TDRD12: variants seen among roughly 807,000 people sequenced by gnomAD.
TDRD12 encodes tudor domain containing 12.
A neutral mutation model predicts 133.5 loss-of-function variants in TDRD12; 158 were observed. The observed-to-expected ratio is 1.18, with a 90% CI of 1.04 to 1.35. TDRD12 has a LOEUF of 1.35. Ranked by LOEUF, TDRD12 falls within the 40% of genes most tolerant of loss-of-function variation. The probability of loss-of-function intolerance (pLI) is 0.00; values close to 1 mark genes in which losing one functional copy is unlikely to be tolerated. For missense variants in TDRD12, 1,443 were observed against 1,321.3 expected (o/e 1.09, Z -1.43); for synonymous variants, 460 against 477.9 (o/e 0.96, Z 0.49).
intron 2 of TDRD12, among the ~76,000 whole-genome samples, chr19:32,737,605 C>T (rs1406933476): frequency 1.3e-5 from 2 of 152,160 alleles, no homozygotes; most frequent in Non-Finnish European, 2.9e-5. Flanking sequence ...TCATAGCCCA[C>T]TGCAGCCTCC....
chr19:32,742,164 T>TTA (rs1296443034), intron 3 of TDRD12, among the ~76,000 whole-genome samples: 1 of 151,648 alleles, frequency 6.6e-6, no homozygotes, highest in Non-Finnish European at 1.5e-5. Flanking sequence ...TTAGACTTTT[T>TTA]TTTTTTTTTG....
At chr19:32,807,267 T>TA (rs59421213) in intron 21 of TDRD12, among the ~76,000 whole-genome samples, 2,234 of 47,048 alleles carry the variant, frequency 0.047, 335 homozygotes, top group East Asian at 0.21. Flanking sequence ...ACCAAACTCT[T>TA]AAAAAAAAAA....
intron 22 of TDRD12, among the ~76,000 whole-genome samples, chr19:32,809,622 G>A (rs1966929527): frequency 6.6e-6 from 1 of 152,216 alleles, no homozygotes; most frequent in Non-Finnish European, 1.5e-5. Context: ...GCACACACAA[G>A]CTGTGGCCTC....
downstream of TDRD12, among the ~76,000 whole-genome samples, chr19:32,822,062 A>G (rs764879146): frequency 6.6e-6 from 1 of 152,182 alleles, no homozygotes; most frequent in Non-Finnish European, 1.5e-5. Flanking sequence ...CAGAGGTTGC[A>G]GTGAGCCAAG....
At chr19:32,812,686 A>C (rs747951520) in intron 24 of TDRD12, among the ~76,000 whole-genome samples, 43 of 152,364 alleles carry the variant, frequency 2.8e-4, no homozygotes, top group Non-Finnish European at 1.2e-4. Flanking sequence ...ATGACTGACC[A>C]AAAGTATTTC....
intron 8 of TDRD12, among the ~76,000 whole-genome samples, chr19:32,772,094 G>A (rs1349996606): frequency 6.6e-6 from 1 of 152,166 alleles, no homozygotes; most frequent in Non-Finnish European, 1.5e-5. Context: ...CAGGGCCTCA[G>A]ACAGGGAGAC....
chr19:32,723,293 C>T (rs1568441412), intron 1 of TDRD12, among the ~76,000 whole-genome samples: 1 of 152,118 alleles, frequency 6.6e-6, no homozygotes, highest in East Asian at 1.9e-4. Flanking sequence ...CTCTGTCCCC[C>T]AGGCTGGAGT....
In TDRD12 at chr19:32,798,441, C is replaced by G. The variant is rs1207981111; in HGVS notation, c.1758+6C>G. 2.6e-6 allele frequency: 4 copies of G among 1,530,982 alleles called. No individual in the cohort carries two copies. In the African/African-American group the frequency reaches 5.5e-5, roughly 21 times the overall value. The allele number at this position is 1,530,982 out of a possible 1,614,324, so 94.8% of individuals were successfully genotyped here. A position where few individuals can be genotyped will look rare whatever the true frequency, so the allele number is the denominator to read the frequency against. ...TCTTGGAAGCCAATGAACAGGTGAG[C>G]GTGGCTTAAGGTCCTCAGCACTCAG... On this transcript the variant is annotated splice_donor_region_variant and intron_variant, in intron 16 of 27. Transcript: ENST00000444215.
chr19:32,777,519 T>A (rs10853922), intron 11 of TDRD12, among the ~76,000 whole-genome samples: 16,231 of 152,042 alleles, frequency 0.11, 1,082 homozygotes, highest in Middle Eastern at 0.17. Flanking sequence ...ATACAGTTGA[T>A]CTTTTGGGGC....
chr19:32,796,130 G>C lies in TDRD12; in HGVS notation c.1473+1317G>C, dbSNP rs541413037. Reference sequence around the variant, plus strand: ...TGCTGCTGGTTTGTGGCTGTTAGGGGCCTGATGGGTGTGGAACCTGCATCT... The same window carrying C: ...TGCTGCTGGTTTGTGGCTGTTAGGGCCCTGATGGGTGTGGAACCTGCATCT... On this transcript the variant is annotated intron_variant, in intron 14 of 27. Transcript: ENST00000444215. The C allele has an allele frequency of 2.3e-5, 23 of 985,330 alleles. No homozygotes were observed. In the African/African-American group the frequency reaches 3.7e-4, roughly 16 times the overall value. The allele number at this position is 985,330 out of a possible 1,614,324, so 61.0% of individuals were successfully genotyped here.
At chr19:32,803,936 G>A (rs1051403710) in intron 21 of TDRD12, among the ~76,000 whole-genome samples, 5 of 151,984 alleles carry the variant, frequency 3.3e-5, no homozygotes, top group Admixed American at 2.6e-4. Flanking sequence ...TGGTTTGTCG[G>A]GGGGAGTAGC....
Position 32,769,068 on chromosome 19 carries a change from C to T in TDRD12, c.866-3685C>T, listed in dbSNP as rs138856490. Among the ~76,000 whole-genome samples the T allele has an allele frequency of 9.3e-3, 1,408 of 152,056 alleles. 25 individuals are homozygous for T. Among genetic ancestry groups the T allele is most frequent in the African/African-American group, 0.032 (1,320 of 41,488 alleles). On this transcript the variant is annotated intron_variant, in intron 8 of 27. Transcript: ENST00000444215. Reference sequence around the variant, plus strand: ...GAGTTTTTAAAATATATTCTGGAGACGTCATTTGTATTATAGATAGATTTC... The same window carrying T: ...GAGTTTTTAAAATATATTCTGGAGATGTCATTTGTATTATAGATAGATTTC...
intron 9 of TDRD12, 23 bp downstream of exon 9, chr19:32,772,873 T>C: frequency 7.5e-7 from 1 of 1,332,964 alleles, no homozygotes; most frequent in Non-Finnish European, 1.0e-6. Context: ...AAATGTTCTT[T>C]AAATACAAAG....
At chr19:32,817,199 G>C (rs896285409) in intron 26 of TDRD12, among the ~76,000 whole-genome samples, 1 of 152,170 alleles carries the variant, frequency 6.6e-6, no homozygotes, top group African/African-American at 2.4e-5. Flanking sequence ...GACATTCTCA[G>C]TGTTGTGCAA....
At position 32,787,371 on chromosome 19, in the gene TDRD12, A is replaced by G. The variant is rs181355776; in HGVS notation, c.1122-3160A>G. ...GAGATGTCTCCCAGTCAGGCTACAC[A>G]TGAGTCAGAGACCCACTTGAGGAGG... On this transcript the variant is annotated intron_variant, in intron 11 of 27. Coordinates refer to ENST00000444215, the Ensembl canonical transcript of TDRD12. Among the ~76,000 whole-genome samples, 24 of 152,292 alleles carry G rather than the reference A, an allele frequency of 1.6e-4. No homozygotes were observed. In the East Asian group the frequency reaches 4.1e-3, roughly 26 times the overall value.
chr19:32,768,613 G>A (rs1018906300), intron 8 of TDRD12, among the ~76,000 whole-genome samples: 5 of 151,860 alleles, frequency 3.3e-5, no homozygotes, highest in Non-Finnish European at 7.4e-5. Context: ...AATCTTGCCC[G>A]CCTCGGCCTT....
chr19:32,780,709 TCA>T (rs1222422955), intron 11 of TDRD12, among the ~76,000 whole-genome samples: 1 of 152,112 alleles, frequency 6.6e-6, no homozygotes, highest in Non-Finnish European at 1.5e-5. Flanking sequence ...AGCTCTGCAG[TCA>T]CACAGCACGG....
chr19:32,772,551 A>C (rs1021283869), intron 8 of TDRD12, among the ~76,000 whole-genome samples: 3 of 152,232 alleles, frequency 2.0e-5, no homozygotes, highest in African/African-American at 7.2e-5. Context: ...AGAACATTTT[A>C]ATTGTTTTTA....
intron 11 of TDRD12, among the ~76,000 whole-genome samples, chr19:32,785,876 T>G (rs1970894261): frequency 6.6e-6 from 1 of 152,192 alleles, no homozygotes; most frequent in East Asian, 1.9e-4. Flanking sequence ...GTCTTGACTC[T>G]TTATCCAATT....
Sources: gnomAD v4.1 joint callset for allele counts (sites outside exome capture counted in the v4.1 genomes callset) on GRCh38, gnomAD v4.1.1 for gene constraint, MANE v1.5 for transcripts, NCBI Gene and HGNC (gene_info 2026-07-23, HGNC 2026-07-21) for gene names.